The following SOX5 variants were observed in gnomAD, a reference collection of about 807,000 sequenced individuals.
SOX5 encodes the protein transcription factor SOX-5.
Under a neutral mutation model 92.0 loss-of-function variants are expected in SOX5, and 9 were observed. That is an observed-to-expected ratio of 0.10 (90% CI 0.06 to 0.17). The LOEUF is 0.17. Ranked by LOEUF, SOX5 falls within the 10% of genes least tolerant of loss-of-function variation. The pLI is 1.00. For synonymous variants in SOX5, 344 were observed against 336.3 expected (o/e 1.02, Z -0.25); for missense variants, 642 against 944.5 (o/e 0.68, Z 4.20).
At chr12:23,703,253 A>G (rs989990450) in intron 6 of SOX5, among the ~76,000 whole-genome samples, 1 of 152,078 alleles carries the variant, frequency 6.6e-6, no homozygotes, top group African/African-American at 2.4e-5. Flanking sequence ...TGAGTGAAAC[A>G]ATAGCTGCCA....
chr12:23,698,843 T>G (rs2090240828), intron 6 of SOX5, among the ~76,000 whole-genome samples: 1 of 152,188 alleles, frequency 6.6e-6, no homozygotes, highest in Non-Finnish European at 1.5e-5. Flanking sequence ...GGAATAGCTA[T>G]TAGACTAAAA....
chr12:23,743,231 T>C (rs1172264974), intron 4 of SOX5, among the ~76,000 whole-genome samples: 2 of 152,200 alleles, frequency 1.3e-5, no homozygotes, highest in African/African-American at 4.8e-5. Flanking sequence ...TTTATAGGAA[T>C]AAAGACTGAA....
intron 4 of SOX5, among the ~76,000 whole-genome samples, chr12:24,126,038 A>G (rs1327107723): frequency 1.3e-5 from 2 of 152,040 alleles, no homozygotes; most frequent in East Asian, 3.9e-4. Flanking sequence ...ACTCCAATTT[A>G]CAGGTTCTCT....
intron 1 of SOX5, among the ~76,000 whole-genome samples, chr12:23,942,297 A>G (rs904281106): frequency 2.6e-5 from 4 of 152,022 alleles, no homozygotes; most frequent in Middle Eastern, 3.4e-3. Context: ...GATCTTATGT[A>G]AAAGTTTCAC....
rs558807597 is a variant in SOX5, at chr12:23,713,364, C to A, written c.810+21320G>T. ...AATAAATTTCACTTGTTGTAAGCCACCAAGTTTGTGGGTAATTTATTACAG... is the reference window on the plus strand; with the variant it reads ...AATAAATTTCACTTGTTGTAAGCCAACAAGTTTGTGGGTAATTTATTACAG... On this transcript the variant is annotated intron_variant, in intron 6 of 14. Transcript: ENST00000451604. Among the ~76,000 whole-genome samples, 3 of 152,236 alleles carry A rather than the reference C, an allele frequency of 2.0e-5. No homozygotes were observed. The East Asian group carries it at 5.8e-4, about 29-fold the overall frequency.
In SOX5 at chr12:23,740,906, C is replaced by T. The variant is rs138669581; in HGVS notation, c.702G>A (p.Gln234=). The T allele has an allele frequency of 1.4e-5, 23 of 1,612,928 alleles. No homozygotes were observed. In the South Asian group the frequency reaches 1.9e-4, roughly 13 times the overall value. Residue 234 remains glutamine (Q), a synonymous_variant, in exon 5 of 15, where the codon CAG becomes CAA. Coordinates refer to ENST00000451604, the MANE Select transcript of SOX5 (RefSeq NM_006940.6). The stretch of plus-strand genomic sequence containing the variant: ...GCTTGGCCAGCTCCATTTGCTGACG[C>T]TGTTTCTCAATCTGAGAGGCAGCTA... ...KKLAASQIEK[Q]RQQMELAKQQ...
chr12:24,390,752 T>C (rs913836586), intron 1 of SOX5, among the ~76,000 whole-genome samples: 4 of 152,170 alleles, frequency 2.6e-5, no homozygotes, highest in Non-Finnish European at 5.9e-5. Flanking sequence ...TAGGATTTCA[T>C]TCTTTTTGAG....
At chr12:24,210,005 G>A (rs1238867947) in intron 4 of SOX5, among the ~76,000 whole-genome samples, 8 of 105,162 alleles carry the variant, frequency 7.6e-5, no homozygotes, top group African/African-American at 2.3e-4. Context: ...GCGACAGAGC[G>A]AGACTCCGTC....
intron 3 of SOX5, among the ~76,000 whole-genome samples, chr12:24,248,992 G>A (rs546219586): frequency 3.9e-5 from 6 of 152,270 alleles, no homozygotes; most frequent in South Asian, 2.1e-4. Context: ...TTAAAAGCAC[G>A]TCCTTTAGTA....
At chr12:23,936,699 G>A (rs1260091553) in intron 1 of SOX5, among the ~76,000 whole-genome samples, 13 of 150,964 alleles carry the variant, frequency 8.6e-5, no homozygotes, top group Admixed American at 4.0e-4. Flanking sequence ...TGAGGCACAC[G>A]TGTAATTTTA....
At chr12:23,719,024 T>C (rs566288028) in intron 6 of SOX5, among the ~76,000 whole-genome samples, 3 of 152,342 alleles carry the variant, frequency 2.0e-5, no homozygotes, top group Admixed American at 1.3e-4. Flanking sequence ...AGTTATAGCA[T>C]ACATGGTTTT....
intron 1 of SOX5, among the ~76,000 whole-genome samples, chr12:24,371,307 G>T (rs1204995835): frequency 3.9e-5 from 6 of 152,156 alleles, no homozygotes; most frequent in Non-Finnish European, 7.4e-5. Context: ...GCTGAATTCT[G>T]CCAAAAACAA....
chr12:24,279,639 C>T (rs1347515429), intron 2 of SOX5, among the ~76,000 whole-genome samples: 1 of 151,964 alleles, frequency 6.6e-6, no homozygotes, highest in Non-Finnish European at 1.5e-5. Context: ...AGCTCAATTC[C>T]TTCATATCCT....
At chr12:24,046,339 G>GC (rs762895064) in intron 4 of SOX5, among the ~76,000 whole-genome samples, 93 of 152,226 alleles carry the variant, frequency 6.1e-4, no homozygotes, top group Non-Finnish European at 1.1e-3. Context: ...TGAAAGGAGA[G>GC]CCTTTTTTTT....
At chr12:24,145,722 G>A (rs1951017655) in intron 4 of SOX5, among the ~76,000 whole-genome samples, 1 of 152,162 alleles carries the variant, frequency 6.6e-6, no homozygotes, top group African/African-American at 2.4e-5. Context: ...GCCCAGGCTG[G>A]TCTTGACCTC....
chr12:24,251,311 C>A (rs910906257), intron 3 of SOX5, among the ~76,000 whole-genome samples: 1 of 152,126 alleles, frequency 6.6e-6, no homozygotes, highest in Non-Finnish European at 1.5e-5. Context: ...TAAGGTTGAA[C>A]AACTATAGTC....
chr12:24,387,351 A>AT (rs549235390), intron 1 of SOX5, among the ~76,000 whole-genome samples: 13 of 152,150 alleles, frequency 8.5e-5, no homozygotes, highest in South Asian at 8.3e-4. Flanking sequence ...AAACATTGAG[A>AT]TTTTTTTGCA....
chr12:23,986,710 G>A (rs935461141), intron 4 of SOX5, among the ~76,000 whole-genome samples: 2 of 152,176 alleles, frequency 1.3e-5, no homozygotes, highest in Non-Finnish European at 2.9e-5. Context: ...GTAATGTCAA[G>A]TAGGGGTTGT....
intron 6 of SOX5, among the ~76,000 whole-genome samples, chr12:23,700,030 AAG>A (rs2090409624): frequency 1.3e-5 from 2 of 152,126 alleles, no homozygotes; most frequent in Non-Finnish European, 2.9e-5. Flanking sequence ...AAAAAATTTT[AAG>A]AGTCATTGCA....
Sources: gnomAD v4.1 joint callset for allele counts (sites outside exome capture counted in the v4.1 genomes callset) on GRCh38, gnomAD v4.1.1 for gene constraint, MANE v1.5 for transcripts, NCBI Gene and HGNC (gene_info 2026-07-23, HGNC 2026-07-21) for gene names.